Variants in ZNF121 observed in about 807,000 individuals in gnomAD.
ZNF121 encodes zinc finger protein 121.
A neutral mutation model predicts 2.4 loss-of-function variants in ZNF121; 1 was observed. The ratio of observed to expected loss-of-function variants is 0.41; its 90% CI spans 0.15 to 1.94. The LOEUF (loss-of-function observed/expected upper bound fraction) is 1.94. ZNF121 is among the 30% of genes most tolerant of loss of function. The probability of loss-of-function intolerance (pLI) is 0.30; values close to 1 mark genes in which losing one functional copy is unlikely to be tolerated. For missense variants in ZNF121, 369 were observed against 466.3 expected (o/e 0.79, Z 1.92); for synonymous variants, 173 against 158.6 (o/e 1.09, Z -0.68).
At position 9,569,538 on chromosome 19, in the gene ZNF121, G is replaced by GT. The variant is rs895171146; in HGVS notation, c.-159-457dup. Among the ~76,000 whole-genome samples, 925 of 145,670 alleles carry GT rather than the reference G, an allele frequency of 6.3e-3. 8 individuals carry two copies. Among genetic ancestry groups the GT allele is most frequent in the African/African-American group, 0.019 (763 of 40,016 alleles). On this transcript the variant is annotated intron_variant, in intron 1 of 3. Coordinates refer to ENST00000320451, the MANE Select transcript of ZNF121 (RefSeq NM_001008727.5). ...GATCATTATTTTGTTTTCTGGTTTT[G>GT]TTTTTTTTTTTGAGACAGAGTCTCA... is the stretch of plus-strand genomic sequence containing the variant.
chr19:9,584,348 C>T (rs965839935), intron 1 of ZNF121, 113 bp downstream of exon 1: 1 of 152,204 alleles, frequency 6.6e-6, no homozygotes. Context: ...ACCGACAGCC[C>T]CTGGAGAAGA....
chr19:9,567,977 A>G, intron 3 of ZNF121, 118 bp downstream of exon 3: 2 of 1,150,170 alleles, frequency 1.7e-6, no homozygotes, highest in Non-Finnish European at 2.4e-6. Flanking sequence ...TGCTCTAGAG[A>G]CATTCCTCCT....
At chr19:9,577,788 C>T (rs142246233) in intron 1 of ZNF121, among the ~76,000 whole-genome samples, 4,188 of 152,156 alleles carry the variant, frequency 0.028, 189 homozygotes, top group African/African-American at 0.096. Flanking sequence ...GTGGCTCACA[C>T]CTGTAATCCC....
At chr19:9,575,669 G>T (rs543488180) in intron 1 of ZNF121, among the ~76,000 whole-genome samples, 6 of 151,878 alleles carry the variant, frequency 4.0e-5, no homozygotes, top group Admixed American at 3.9e-4. Context: ...CTTAAACCTG[G>T]GAGATGGAGG....
chr19:9,582,093 C>T (rs564042716), intron 1 of ZNF121, among the ~76,000 whole-genome samples: 2 of 152,230 alleles, frequency 1.3e-5, no homozygotes, highest in African/African-American at 4.8e-5. Context: ...ACTGCCTGAG[C>T]TCAGGATTTC....
rs2074116806 is a variant in ZNF121, at chr19:9,564,346, C to G, written c.*1594G>C. Reference sequence around the variant, plus strand: ...GTGCTGGTGAATACCCACTTGTACTCCAGCATGAACAACACAGCGAGACCT... The same window carrying G: ...GTGCTGGTGAATACCCACTTGTACTGCAGCATGAACAACACAGCGAGACCT... On this transcript the variant is annotated 3_prime_UTR_variant, in exon 4 of 4. Transcript: ENST00000320451. 1 of 151,936 alleles carries G rather than the reference C, an allele frequency of 6.6e-6. No homozygotes were observed. Among genetic ancestry groups the G allele is most frequent in the African/African-American group, 2.4e-5 (1 of 41,366 alleles). The allele number at this position is 151,936 out of a possible 1,614,324, so 9.4% of individuals were successfully genotyped here. A position where few individuals can be genotyped will look rare whatever the true frequency, so the allele number is the denominator to read the frequency against.
intron 1 of ZNF121, among the ~76,000 whole-genome samples, chr19:9,577,380 G>A (rs575643302): frequency 6.6e-6 from 1 of 152,118 alleles, no homozygotes; most frequent in African/African-American, 2.4e-5. Flanking sequence ...AACCCGGGAG[G>A]CGGAGGTTGC....
chr19:9,562,912 A>AT lies in ZNF121; in HGVS notation c.*3027_*3028insA, dbSNP rs1427337359. 50 of 126,762 alleles carry AT rather than the reference A, an allele frequency of 3.9e-4. No homozygotes were observed. Among genetic ancestry groups the AT allele is most frequent in the African/African-American group, 1.3e-3 (47 of 36,338 alleles). The allele number at this position is 126,762 out of a possible 1,614,324, so 7.9% of individuals were successfully genotyped here. On this transcript the variant is annotated 3_prime_UTR_variant, in exon 4 of 4. Coordinates refer to ENST00000320451, the MANE Select transcript of ZNF121 (RefSeq NM_001008727.5). ...AAAAAAAAAAAAAAAAAAAAAAAAA[A>AT]ATTAGCTGGCCATGGTGGTGCACAC...
Position 9,565,353 on chromosome 19 carries a change from C to CAAAAAAAAAAAAAAAAAAAAAAAA in ZNF121, c.*563_*586dup, listed in dbSNP as rs71185609. 2.3e-4 allele frequency: 7 copies of CAAAAAAAAAAAAAAAAAAAAAAAA among 29,818 alleles called. 2 individuals are homozygous for CAAAAAAAAAAAAAAAAAAAAAAAA. Among genetic ancestry groups the CAAAAAAAAAAAAAAAAAAAAAAAA allele is most frequent in the Non-Finnish European group, 3.4e-4 (5 of 14,898 alleles). 1.8% of individuals were successfully genotyped at this position (29,818 alleles called of 1,614,324 possible). A position where few individuals can be genotyped will look rare whatever the true frequency, so the allele number is the denominator to read the frequency against. On this transcript the variant is annotated 3_prime_UTR_variant, in exon 4 of 4. Transcript: ENST00000320451. ...AAGAATGTGTATTAACAACGACTTA[C>CAAAAAAAAAAAAAAAAAAAAAAAA]AAAAAAAAAAAAAAAAAAAAAAAAA...
intron 1 of ZNF121, among the ~76,000 whole-genome samples, chr19:9,570,111 C>G (rs2074163344): frequency 6.6e-6 from 1 of 151,888 alleles, no homozygotes; most frequent in South Asian, 2.1e-4. Context: ...GAGGCTGAGG[C>G]AGGAGAATCG....
chr19:9,574,023 CTTTCT>C (rs959108722), intron 1 of ZNF121, among the ~76,000 whole-genome samples: 1 of 140,730 alleles, frequency 7.1e-6, no homozygotes, highest in African/African-American at 2.9e-5. Flanking sequence ...ATTTTTCTTT[CTTTCT>C]TTTTTTTTTT....
chr19:9,574,930 A>G (rs1474448591), intron 1 of ZNF121, among the ~76,000 whole-genome samples: 2 of 150,414 alleles, frequency 1.3e-5, no homozygotes, highest in Middle Eastern at 3.4e-3. Context: ...CATTAGATGG[A>G]AAAAAAAAAG....
In ZNF121 at chr19:9,560,801, A is replaced by C. The variant is rs2074097216; in HGVS notation, c.*5139T>G. 6.6e-6 allele frequency: 1 copy of C among 152,220 alleles called. No homozygotes were observed. Among genetic ancestry groups the C allele is most frequent in the African/African-American group, 2.4e-5 (1 of 41,462 alleles). 9.4% of individuals were successfully genotyped at this position (152,220 alleles called of 1,614,324 possible). On this transcript the variant is annotated 3_prime_UTR_variant, in exon 4 of 4. Coordinates refer to ENST00000320451, the MANE Select transcript of ZNF121 (RefSeq NM_001008727.5). ...AACACAGGTAGGCATTCACACATTGAGATGCTTTCTTCAGTTCCTTTGGAC... is the reference window on the plus strand; with the variant it reads ...AACACAGGTAGGCATTCACACATTGCGATGCTTTCTTCAGTTCCTTTGGAC...
intron 1 of ZNF121, among the ~76,000 whole-genome samples, chr19:9,575,768 T>C (rs1296050918): frequency 1.3e-5 from 2 of 152,018 alleles, no homozygotes; most frequent in Non-Finnish European, 2.9e-5. Context: ...AGAAGGTCAC[T>C]ATATAATGAT....
rs2144799946 is a variant in ZNF121 at position 9,562,850 on chromosome 19, A to G, written c.*3090T>C. The G allele has an allele frequency of 6.7e-6, 1 of 148,360 alleles. No individual in the cohort carries two copies. Among genetic ancestry groups the G allele is most frequent in the South Asian group, 2.1e-4 (1 of 4,658 alleles). The allele number at this position is 148,360 out of a possible 1,614,324, so 9.2% of individuals were successfully genotyped here. On this transcript the variant is annotated 3_prime_UTR_variant, in exon 4 of 4. Transcript: ENST00000320451. ...GAGCATCACTTGAGGTTTTAAGTTCAAGATCAGCCGGGTAAACAGTAAAGT... is the reference window on the plus strand; with the variant it reads ...GAGCATCACTTGAGGTTTTAAGTTCGAGATCAGCCGGGTAAACAGTAAAGT...
intron 1 of ZNF121, among the ~76,000 whole-genome samples, chr19:9,583,697 G>GT (rs1568217132): frequency 6.6e-6 from 1 of 151,958 alleles, no homozygotes; most frequent in Non-Finnish European, 1.5e-5. Context: ...TAGAGACAGG[G>GT]TTTCACCATG....
chr19:9,578,397 A>T (rs1307590939), intron 1 of ZNF121, among the ~76,000 whole-genome samples: 1 of 152,194 alleles, frequency 6.6e-6, no homozygotes, highest in Non-Finnish European at 1.5e-5. Context: ...TAGTCTCAAA[A>T]AAAAAAAGAA....
intron 1 of ZNF121, among the ~76,000 whole-genome samples, chr19:9,579,379 G>GCA (rs1332008653): frequency 3.3e-5 from 5 of 152,048 alleles, no homozygotes; most frequent in African/African-American, 1.2e-4. Context: ...AGACCTGTCT[G>GCA]CACACATATG....
chr19:9,579,847 T>C (rs2074236648), intron 1 of ZNF121, among the ~76,000 whole-genome samples: 1 of 152,226 alleles, frequency 6.6e-6, no homozygotes. Flanking sequence ...AGGTGACAGA[T>C]ATTCTACTTA....
Sources: allele counts gnomAD v4.1 joint callset (sites outside exome capture counted in the v4.1 genomes callset), GRCh38; gene constraint gnomAD v4.1.1; transcripts MANE v1.5; gene names NCBI Gene and HGNC (gene_info 2026-07-23, HGNC 2026-07-21).